The following TMOD3 variants were observed in gnomAD, a reference collection of about 807,000 sequenced individuals.
The protein encoded by TMOD3 is tropomodulin-3.
In TMOD3, 20 loss-of-function variants were observed where a neutral mutation model predicts 39.2. The observed-to-expected ratio is 0.51, with a 90% CI of 0.36 to 0.74. The LOEUF (loss-of-function observed/expected upper bound fraction) is 0.74. Among genes scored for constraint, TMOD3 ranks in the 30% least tolerant of loss-of-function variants. The pLI is 0.00. For missense variants in TMOD3, 381 were observed against 412.8 expected (o/e 0.92, Z 0.67); for synonymous variants, 143 against 145.8 (o/e 0.98, Z 0.14).
chr15:51,877,481 C>T (rs2056510436), intron 3 of TMOD3, among the ~76,000 whole-genome samples: 1 of 152,106 alleles, frequency 6.6e-6, no homozygotes, highest in East Asian at 1.9e-4. Context: ...AGTTCGATAC[C>T]AGCCTGACCA....
intron 2 of TMOD3, among the ~76,000 whole-genome samples, chr15:51,866,016 TTTTAGTGACAATC>T: frequency 6.6e-6 from 1 of 152,294 alleles, no homozygotes; most frequent in South Asian, 2.1e-4. Flanking sequence ...AACGTGTCAT[TTTTAGTGACAATC>T]ATATTAAAGA....
At chr15:51,860,088 C>T (rs907951018) in intron 1 of TMOD3, 5 of 506,816 alleles carry the variant, frequency 9.9e-6, no homozygotes, top group Admixed American at 4.0e-5. Flanking sequence ...TCTGCTTTGT[C>T]TTATTTCGTT....
rs1235549924 is a variant in TMOD3 at position 51,915,382 on chromosome 15, A to G, written c.*6572A>G. 6.6e-6 allele frequency: 1 copy of G among 152,052 alleles called. No individual in the cohort carries two copies. The highest frequency in any genetic ancestry group is 1.5e-5 in the Non-Finnish European group (1 of 67,988). The allele number at this position is 152,052 out of a possible 1,614,324, so 9.4% of individuals were successfully genotyped here. A position where few individuals can be genotyped will look rare whatever the true frequency, so the allele number is the denominator to read the frequency against. On this transcript the variant is annotated 3_prime_UTR_variant, in exon 10 of 10. Transcript: ENST00000308580. ...TTGTAATTTCAAATGTCTTTTTTTC[A>G]GTTTTTTGGATGAATTATTATATTT...
At chr15:51,886,310 G>T (rs2056563020) in intron 3 of TMOD3, among the ~76,000 whole-genome samples, 1 of 152,226 alleles carries the variant, frequency 6.6e-6, no homozygotes, top group South Asian at 2.1e-4. Context: ...GGAGGCCAAG[G>T]CAGGCGGCTG....
At chr15:51,878,530 C>T (rs555037739) in intron 3 of TMOD3, among the ~76,000 whole-genome samples, 1 of 152,264 alleles carries the variant, frequency 6.6e-6, no homozygotes, top group South Asian at 2.1e-4. Flanking sequence ...TTCTATTTCC[C>T]TGTTAAAGTA....
chr15:51,890,723 A>G (rs2056588429), intron 5 of TMOD3, among the ~76,000 whole-genome samples: 1 of 152,204 alleles, frequency 6.6e-6, no homozygotes, highest in Non-Finnish European at 1.5e-5. Context: ...GTTAATATGT[A>G]TACATCTACA....
chr15:51,865,900 A>AT (rs2056442926), intron 2 of TMOD3, among the ~76,000 whole-genome samples: 2 of 152,088 alleles, frequency 1.3e-5, no homozygotes, highest in Non-Finnish European at 2.9e-5. Flanking sequence ...TTGCCAAAAA[A>AT]AAAATATATA....
chr15:51,871,217 AATGCAGAGTTT>A (rs1280673684), intron 3 of TMOD3, among the ~76,000 whole-genome samples: 1 of 152,214 alleles, frequency 6.6e-6, no homozygotes, highest in Non-Finnish European at 1.5e-5. Flanking sequence ...GTTCAAAACC[AATGCAGAGTTT>A]TGAAGTGTGG....
chr15:51,905,768 C>A (rs1039151836), intron 9 of TMOD3, among the ~76,000 whole-genome samples: 1 of 151,734 alleles, frequency 6.6e-6, no homozygotes, highest in Non-Finnish European at 1.5e-5. Flanking sequence ...CAAGGTGAAA[C>A]CCCGTCTCTA....
intron 5 of TMOD3, among the ~76,000 whole-genome samples, chr15:51,893,294 C>CA (rs59321162): frequency 3.1e-4 from 18 of 59,008 alleles, no homozygotes; most frequent in Admixed American, 5.7e-4. Flanking sequence ...GACTCCATCT[C>CA]AAAAAAAAAA....
chr15:51,904,384 A>C (rs1040161461), intron 9 of TMOD3, among the ~76,000 whole-genome samples: 1 of 152,250 alleles, frequency 6.6e-6, no homozygotes, highest in Non-Finnish European at 1.5e-5. Context: ...CATGCCTGAC[A>C]CACAATAGGT....
intron 3 of TMOD3, among the ~76,000 whole-genome samples, chr15:51,870,965 T>G (rs1177789666): frequency 2.0e-5 from 3 of 152,112 alleles, no homozygotes; most frequent in Non-Finnish European, 4.4e-5. Context: ...TTCAACTGAT[T>G]AAATGAGGCC....
chr15:51,852,815 T>C (rs1388689742), intron 1 of TMOD3, among the ~76,000 whole-genome samples: 1 of 152,254 alleles, frequency 6.6e-6, no homozygotes, highest in Non-Finnish European at 1.5e-5. Flanking sequence ...AGAGATTCTC[T>C]GCTCTTCAAG....
At chr15:51,895,694 TTG>T (rs1319505232) in intron 6 of TMOD3, among the ~76,000 whole-genome samples, 2 of 152,170 alleles carry the variant, frequency 1.3e-5, no homozygotes, top group African/African-American at 4.8e-5. Flanking sequence ...TCTTAGTGCT[TTG>T]TAGCTTAAAC....
intron 1 of TMOD3, among the ~76,000 whole-genome samples, chr15:51,830,277 G>A (rs1235084979): frequency 1.3e-5 from 2 of 152,152 alleles, no homozygotes; most frequent in Non-Finnish European, 2.9e-5. Context: ...CCAAAACTTA[G>A]GGCACACCCT....
chr15:51,887,099 G>A (rs2056568463), intron 3 of TMOD3, among the ~76,000 whole-genome samples: 1 of 151,654 alleles, frequency 6.6e-6, no homozygotes, highest in Non-Finnish European at 1.5e-5. Context: ...CACGCCTGTA[G>A]TCCCAGCTAC....
intron 1 of TMOD3, among the ~76,000 whole-genome samples, chr15:51,861,657 CTTT>C (rs550303054): frequency 1.1e-4 from 15 of 134,812 alleles, no homozygotes; most frequent in Admixed American, 1.5e-4. Context: ...GTACTAGGTA[CTTT>C]TTTTTTTTTT....
intron 1 of TMOD3, among the ~76,000 whole-genome samples, chr15:51,847,020 C>T (rs2570244): frequency 0.049 from 7,417 of 152,136 alleles, 420 homozygotes; most frequent in African/African-American, 0.12. Flanking sequence ...TGCAGCTCCA[C>T]TAAGAAGAAG....
In TMOD3 at chr15:51,897,482, A is replaced by ATTT. The variant is rs1167476019; in HGVS notation, c.735+974_735+976dup. Among the ~76,000 whole-genome samples, 143 of 113,018 alleles carry ATTT rather than the reference A, an allele frequency of 1.3e-3. 3 individuals carry two copies. The highest frequency in any genetic ancestry group is 2.9e-3 in the African/African-American group (84 of 28,644). 74.1% of individuals were successfully genotyped at this position (113,018 alleles called of 152,430 possible). A position where few individuals can be genotyped will look rare whatever the true frequency, so the allele number is the denominator to read the frequency against. On this transcript the variant is annotated intron_variant, in intron 7 of 9. Coordinates refer to ENST00000308580, the MANE Select transcript of TMOD3 (RefSeq NM_014547.5). ...TTGCTCAGGCAAACAAAAAAAAAAA[A>ATTT]TTTTTTTTTTTTTTTTTTTTGAGAC...
Sources: gnomAD v4.1 joint callset for allele counts (sites outside exome capture counted in the v4.1 genomes callset) on GRCh38, gnomAD v4.1.1 for gene constraint, MANE v1.5 for transcripts, NCBI Gene and HGNC (gene_info 2026-07-23, HGNC 2026-07-21) for gene names.